Variants in GM2A observed in about 807,000 individuals in gnomAD.
GM2A encodes the protein ganglioside GM2 activator, also known as GM2 ganglioside activator.
In GM2A, 7 loss-of-function variants were observed where a neutral mutation model predicts 12.9. The ratio of observed to expected loss-of-function variants is 0.54; its 90% confidence interval spans 0.31 to 1.02. The LOEUF is 1.02. GM2A is among the 50% of genes least tolerant of loss of function. The pLI, the probability that GM2A is intolerant of heterozygous loss-of-function variation, is 0.05. For synonymous variants in GM2A, 101 were observed against 96.0 expected, an observed-to-expected ratio of 1.05 and a Z score of -0.30; for missense variants, 246 against 241.0, an observed-to-expected ratio of 1.02 and a Z score of -0.14.
rs1561621042 is a variant in GM2A at position 151,268,104 on chromosome 5, A to G, written c.*653A>G. On this transcript the variant is annotated 3_prime_UTR_variant, in exon 4 of 4. Coordinates refer to ENST00000357164, the MANE Select transcript of GM2A (RefSeq NM_000405.5). ...CCGCAGGGCCTAGCAAGAGACTTAA[A>G]TGACTGATAAGAACCGTGAGAAACA... is the stretch of plus-strand genomic sequence containing the variant. 1.0e-6 allele frequency: 1 copy of G among 990,434 alleles called. No individual in the cohort carries two copies. Among genetic ancestry groups the G allele is most frequent in the Non-Finnish European group, 1.2e-6 (1 of 833,164 alleles). 61.4% of individuals were successfully genotyped at this position (990,434 alleles called of 1,614,324 possible).
In GM2A at chr5:151,263,471, C is replaced by T. The variant is rs937865740; in HGVS notation, c.244-3260C>T. On this transcript the variant is annotated intron_variant, in intron 2 of 3. Transcript: ENST00000357164. ...AACTATTAGATGAAAGCTCTTCTGA[C>T]CACTTGCTAGGGAGAAGAGCCGATG... 3.3e-5 allele frequency among the ~76,000 whole-genome samples: 5 copies of T among 152,054 alleles called. No individual in the cohort carries two copies. In the East Asian group the frequency reaches 9.6e-4, roughly 29 times the overall value.
At chr5:151,264,491 A>T (rs1753849742) in intron 2 of GM2A, among the ~76,000 whole-genome samples, 1 of 152,132 alleles carries the variant, frequency 6.6e-6, no homozygotes, top group Non-Finnish European at 1.5e-5. Flanking sequence ...GTGTGTTCTC[A>T]CTCAGGGCAT....
At chr5:151,267,238 G>C in intron 3 of GM2A, 58 bp from the exon 4 acceptor site, 1 of 1,612,080 alleles carries the variant, frequency 6.2e-7, no homozygotes, top group Non-Finnish European at 8.5e-7. Context: ...AGTGGCTCTA[G>C]GAGAAAGACC....
chr5:151,260,746 T>C (rs942152009), intron 2 of GM2A, among the ~76,000 whole-genome samples: 3 of 152,182 alleles, frequency 2.0e-5, no homozygotes, highest in African/African-American at 4.8e-5. Context: ...ATAACACACA[T>C]ATTTATTTTT....
Position 151,267,289 on chromosome 5 carries a change from C to T in GM2A, c.427-7C>T, listed in dbSNP as rs753609168. On this transcript the variant is annotated splice_region_variant and splice_polypyrimidine_tract_variant and intron_variant, in intron 3 of 3. Coordinates refer to ENST00000357164, the MANE Select transcript of GM2A (RefSeq NM_000405.5). ...CACTGACTGGCGGTCCACTGGCTTT[C>T]CCGCAGGGAACCTACTCACTGCCCA... The T allele has an allele frequency of 2.5e-6, 4 of 1,614,038 alleles. No homozygotes were observed. In the South Asian group the frequency reaches 3.3e-5, roughly 13 times the overall value.
At chr5:151,259,728 C>G (rs1338354883) in intron 1 of GM2A, 27 bp from the exon 2 acceptor site, 1 of 1,609,752 alleles carries the variant, frequency 6.2e-7, no homozygotes, top group South Asian at 1.1e-5. Flanking sequence ...TTCTTCTTCT[C>G]CTTCCTTGCT....
In GM2A at chr5:151,270,418, A is replaced by G. The variant is rs1223654648; in HGVS notation, c.*2967A>G. 1 of 398,548 alleles carries G rather than the reference A, an allele frequency of 2.5e-6. No individual in the cohort carries two copies. The highest frequency in any genetic ancestry group is 4.4e-6 in the Non-Finnish European group (1 of 226,052). 24.7% of individuals were successfully genotyped at this position (398,548 alleles called of 1,614,324 possible). A position where few individuals can be genotyped will look rare whatever the true frequency, so the allele number is the denominator to read the frequency against. ...AATCAAATGACTGGGAGAAAAATTTATCCAGCCTATATAATAGACAAACAG... is the reference window on the plus strand; with the variant it reads ...AATCAAATGACTGGGAGAAAAATTTGTCCAGCCTATATAATAGACAAACAG... On this transcript the variant is annotated 3_prime_UTR_variant, in exon 4 of 4. Coordinates refer to ENST00000357164, the MANE Select transcript of GM2A (RefSeq NM_000405.5).
In GM2A at chr5:151,268,037, G is replaced by A. The variant is rs1753929079; in HGVS notation, c.*586G>A. ...GGTGTGTGGGGGAGGAATCCCTTGG[G>A]GGAGATATTAGGAGTGCTCTGTTGT... On this transcript the variant is annotated 3_prime_UTR_variant, in exon 4 of 4. Transcript: ENST00000357164. 3 of 1,038,692 alleles carry A rather than the reference G, an allele frequency of 2.9e-6. No individual in the cohort carries two copies. Among genetic ancestry groups the A allele is most frequent in the Admixed American group, 5.0e-5 (1 of 19,906 alleles). The allele number at this position is 1,038,692 out of a possible 1,614,324, so 64.3% of individuals were successfully genotyped here. A position where few individuals can be genotyped will look rare whatever the true frequency, so the allele number is the denominator to read the frequency against.
intron 1 of GM2A, 106 bp from the exon 2 acceptor site, chr5:151,259,649 T>C: frequency 2.0e-6 from 2 of 1,007,962 alleles, no homozygotes; most frequent in Non-Finnish European, 3.1e-6. Flanking sequence ...CGGGGGTGCC[T>C]CACCCAAGGT....
rs149174 is a variant in GM2A at position 151,268,395 on chromosome 5, T to C, written c.*944T>C. 0.63 allele frequency: 510,875 copies of C among 812,586 alleles called. 161,970 individuals are homozygous for C. The highest frequency in any genetic ancestry group is 0.82 in the South Asian group (14,720 of 17,848). 50.3% of individuals were successfully genotyped at this position (812,586 alleles called of 1,614,324 possible). Reference sequence around the variant, plus strand: ...GTCTCGATCTCTTGACCTCGTGATCTGTCCACCTTGGCCTTGCAAAGCGCT... The same window carrying C: ...GTCTCGATCTCTTGACCTCGTGATCCGTCCACCTTGGCCTTGCAAAGCGCT... On this transcript the variant is annotated 3_prime_UTR_variant, in exon 4 of 4. Coordinates refer to ENST00000357164, the MANE Select transcript of GM2A (RefSeq NM_000405.5).
At chr5:151,264,189 A>G (rs1271533891) in intron 2 of GM2A, among the ~76,000 whole-genome samples, 1 of 152,248 alleles carries the variant, frequency 6.6e-6, no homozygotes, top group Non-Finnish European at 1.5e-5. Context: ...AGTCATATAC[A>G]TGCCTGGGCT....
Position 151,259,784 on chromosome 5 carries a change from T to A in GM2A, c.111T>A (p.Asp37Glu). 4 of 1,614,030 alleles carry A rather than the reference T, an allele frequency of 2.5e-6. No homozygotes were observed. The South Asian group carries it at 4.4e-5, about 18-fold the overall frequency. Reference protein sequence around the residue: ...KPSQLSSFSWDNCDEGKDPAV... With the variant: ...KPSQLSSFSWENCDEGKDPAV... ...CCCAGCTCAGTAGCTTTTCCTGGGA[T>A]AACTGTGATGAAGGGAAGGACCCTG... The change falls in exon 2 of 4, where the codon GAT becomes GAA. Residue 37 changes from aspartate to glutamate, a missense_variant. Transcript: ENST00000357164.
Position 151,268,250 on chromosome 5 carries a change from G to C in GM2A, c.*799G>C, listed in dbSNP as rs1753934929. Reference sequence around the variant, plus strand: ...ACCTCACTGCAACCTCCGCCTCCTGGGTTCAAGCAATTCTCCTGCCTCAGC... The same window carrying C: ...ACCTCACTGCAACCTCCGCCTCCTGCGTTCAAGCAATTCTCCTGCCTCAGC... On this transcript the variant is annotated 3_prime_UTR_variant, in exon 4 of 4. Coordinates refer to ENST00000357164, the MANE Select transcript of GM2A (RefSeq NM_000405.5). The C allele has an allele frequency of 3.8e-6, 2 of 522,930 alleles. No individual in the cohort carries two copies. Among genetic ancestry groups the C allele is most frequent in the Admixed American group, 6.4e-5 (1 of 15,704 alleles). The allele number at this position is 522,930 out of a possible 1,614,324, so 32.4% of individuals were successfully genotyped here.
At chr5:151,264,982 A>G (rs1039482486) in intron 2 of GM2A, among the ~76,000 whole-genome samples, 1 of 142,152 alleles carries the variant, frequency 7.0e-6, no homozygotes, top group African/African-American at 2.5e-5. Context: ...ACTCTGTCTC[A>G]AAAAAAAAAA....
At position 151,267,573 on chromosome 5, in the gene GM2A, C is replaced by T. The variant is rs1753916879; in HGVS notation, c.*122C>T. 6.5e-7 allele frequency: 1 copy of T among 1,547,884 alleles called. No homozygotes were observed. On this transcript the variant is annotated 3_prime_UTR_variant, in exon 4 of 4. Coordinates refer to ENST00000357164, the MANE Select transcript of GM2A (RefSeq NM_000405.5). Reference sequence around the variant, plus strand: ...TTTAATCCCCTTTCTACAGTGAGTCCACTACCCTCACTGAAAATCATTTTG... The same window carrying T: ...TTTAATCCCCTTTCTACAGTGAGTCTACTACCCTCACTGAAAATCATTTTG...
rs1164374637 is a variant in GM2A at position 151,269,693 on chromosome 5, CTA to C, written c.*2243_*2244del. The C allele has an allele frequency of 6.1e-6, 1 of 163,140 alleles. No individual in the cohort carries two copies. The highest frequency in any genetic ancestry group is 1.3e-5 in the Non-Finnish European group (1 of 77,988). 10.1% of individuals were successfully genotyped at this position (163,140 alleles called of 1,614,324 possible). A position where few individuals can be genotyped will look rare whatever the true frequency, so the allele number is the denominator to read the frequency against. The stretch of plus-strand genomic sequence containing the variant: ...TCCCCGAAAAAAACCTTAGAAGTAA[CTA>C]AAATTTCTGTACATCTCCGGAATGC... On this transcript the variant is annotated 3_prime_UTR_variant, in exon 4 of 4. Transcript: ENST00000357164.
At chr5:151,258,017 C>A (rs1753723777) in intron 1 of GM2A, among the ~76,000 whole-genome samples, 2 of 152,210 alleles carry the variant, frequency 1.3e-5, no homozygotes, top group South Asian at 2.1e-4. Flanking sequence ...ACCACTCTTG[C>A]CACAGCACTT....
intron 2 of GM2A, among the ~76,000 whole-genome samples, chr5:151,261,788 G>A (rs1305397211): frequency 6.6e-6 from 1 of 151,532 alleles, no homozygotes; most frequent in African/African-American, 2.4e-5. Flanking sequence ...TATCCAGGCT[G>A]GTCTTGAACT....
intron 3 of GM2A, 144 bp downstream of exon 3, chr5:151,267,057 C>T: frequency 1.2e-6 from 1 of 860,460 alleles, no homozygotes; most frequent in East Asian, 2.6e-5. Flanking sequence ...CACTTATCTT[C>T]CGGGAGCCTC....
Sources: gnomAD v4.1 joint callset for allele counts (sites outside exome capture counted in the v4.1 genomes callset) on GRCh38, gnomAD v4.1.1 for gene constraint, MANE v1.5 for transcripts, NCBI Gene and HGNC (gene_info 2026-07-23, HGNC 2026-07-21) for gene names.